FOXN3: variants seen among roughly 807,000 people sequenced by gnomAD.
The protein encoded by FOXN3 is forkhead box protein N3.
Under a neutral mutation model 38.4 loss-of-function variants are expected in FOXN3, and 7 were observed. The ratio of observed to expected loss-of-function variants is 0.18; its 90% CI spans 0.10 to 0.34. The LOEUF (loss-of-function observed/expected upper bound fraction) is 0.34, where lower values mean the gene tolerates loss of function less well. Ranked by LOEUF, FOXN3 falls within the 10% of genes least tolerant of loss-of-function variation. The probability of loss-of-function intolerance (pLI) is 1.00; values close to 1 mark genes in which losing one functional copy is unlikely to be tolerated. For missense variants in FOXN3, 456 were observed against 613.4 expected (o/e 0.74, Z 2.71); for synonymous variants, 230 against 242.2 (o/e 0.95, Z 0.47).
chr14:89,499,472 T>A (rs2139786784), intron 1 of FOXN3, among the ~76,000 whole-genome samples: 1 of 152,222 alleles, frequency 6.6e-6, no homozygotes, highest in Middle Eastern at 3.4e-3. Context: ...TTTGATTTTT[T>A]TTTTTTTTGC....
chr14:89,251,450 C>T lies in FOXN3; in HGVS notation c.745+29500G>A, dbSNP rs116789854. ...CACAAAATTCACTGGAAAAGCACCT[C>T]GCACATTTGAAATAAATGCTCAGTT... On this transcript the variant is annotated intron_variant, in intron 4 of 5. Transcript: ENST00000557258. 9.7e-4 allele frequency among the ~76,000 whole-genome samples: 148 copies of T among 152,318 alleles called. 1 individual carries two copies. Among genetic ancestry groups the T allele is most frequent in the African/African-American group, 3.3e-3 (139 of 41,562 alleles).
chr14:89,612,706 A>T (rs1237513069), intron 1 of FOXN3, among the ~76,000 whole-genome samples: 1 of 151,980 alleles, frequency 6.6e-6, no homozygotes. Context: ...AGGTGGAAAG[A>T]CTGCTTGAGC....
intron 3 of FOXN3, chr14:89,290,661 T>C: frequency 2.2e-6 from 1 of 447,930 alleles, no homozygotes; most frequent in South Asian, 1.9e-5. Context: ...TGCATGTTGC[T>C]GGGAAGGATG....
At chr14:89,582,951 T>C (rs558488732) in intron 1 of FOXN3, among the ~76,000 whole-genome samples, 2 of 152,330 alleles carry the variant, frequency 1.3e-5, no homozygotes, top group Admixed American at 6.5e-5. Context: ...TGTGTATCAA[T>C]AGTTTATTTT....
At chr14:89,472,627 A>G (rs1893125526) in intron 1 of FOXN3, among the ~76,000 whole-genome samples, 1 of 150,438 alleles carries the variant, frequency 6.6e-6, no homozygotes, top group African/African-American at 2.4e-5. Context: ...AGGCTGAGGC[A>G]GGAGAATGGT....
intron 4 of FOXN3, among the ~76,000 whole-genome samples, chr14:89,236,594 T>C (rs1884988249): frequency 6.6e-6 from 1 of 152,198 alleles, no homozygotes; most frequent in Admixed American, 6.5e-5. Context: ...AGGGCCAGCA[T>C]CTTGGCAAGG....
At chr14:89,239,928 AG>A (rs1471230243) in intron 4 of FOXN3, among the ~76,000 whole-genome samples, 1 of 152,212 alleles carries the variant, frequency 6.6e-6, no homozygotes, top group Non-Finnish European at 1.5e-5. Context: ...TCTGCACCCA[AG>A]TTTATGTCTG....
At chr14:89,509,969 A>G (rs1456080149) in intron 1 of FOXN3, among the ~76,000 whole-genome samples, 1 of 152,190 alleles carries the variant, frequency 6.6e-6, no homozygotes, top group Non-Finnish European at 1.5e-5. Flanking sequence ...CCCATGAAGA[A>G]GGGCATGTTC....
At chr14:89,552,711 T>A (rs964787586) in intron 1 of FOXN3, among the ~76,000 whole-genome samples, 1 of 152,122 alleles carries the variant, frequency 6.6e-6, no homozygotes, top group African/African-American at 2.4e-5. Context: ...ATACAAAAGT[T>A]AGCTGAGCGT....
At chr14:89,493,461 ATCATC>A (rs1445201935) in intron 1 of FOXN3, among the ~76,000 whole-genome samples, 4 of 152,200 alleles carry the variant, frequency 2.6e-5, no homozygotes, top group Non-Finnish European at 5.9e-5. Flanking sequence ...TACAAAGTCT[ATCATC>A]TTTACTTGGT....
chr14:89,176,691 T>C (rs981100475), intron 5 of FOXN3, among the ~76,000 whole-genome samples: 4 of 152,248 alleles, frequency 2.6e-5, no homozygotes, highest in African/African-American at 9.6e-5. Context: ...AAAATTATGA[T>C]GAATGTGAAA....
chr14:89,511,141 T>TTTCTTTTCTTTCTTTC lies in FOXN3; in HGVS notation c.-14-98652_-14-98651insGAAAGAAAGAAAAGAA, dbSNP rs1555358045. On this transcript the variant is annotated intron_variant, in intron 1 of 6. Coordinates refer to the FOXN3 transcript ENST00000345097. The stretch of plus-strand genomic sequence containing the variant: ...CTTGGTGTCTTTCTTTCTTTCTTTC[T>TTTCTTTTCTTTCTTTC]TTTCTTTCTTTCTTTCTTTCTTTCT... Among the ~76,000 whole-genome samples the TTTCTTTTCTTTCTTTC allele has an allele frequency of 2.4e-4, 5 of 20,996 alleles. 2 individuals are homozygous for TTTCTTTTCTTTCTTTC. Among genetic ancestry groups the TTTCTTTTCTTTCTTTC allele is most frequent in the African/African-American group, 4.7e-4 (5 of 10,706 alleles). The allele number at this position is 20,996 out of a possible 152,430, so 13.8% of individuals were successfully genotyped here.
At chr14:89,360,762 A>AGCACCACCT (rs1889491407) in intron 2 of FOXN3, among the ~76,000 whole-genome samples, 5 of 60,826 alleles carry the variant, frequency 8.2e-5, no homozygotes, top group South Asian at 6.7e-4. Flanking sequence ...CACCACCTCC[A>AGCACCACCT]CCACTACCAC....
At chr14:89,193,533 C>G (rs1380555503) in intron 4 of FOXN3, among the ~76,000 whole-genome samples, 1 of 151,644 alleles carries the variant, frequency 6.6e-6, no homozygotes. Flanking sequence ...GACCCCCCAC[C>G]CCCCCACCTT....
At chr14:89,223,749 G>T (rs544874996) in intron 4 of FOXN3, among the ~76,000 whole-genome samples, 1 of 152,180 alleles carries the variant, frequency 6.6e-6, no homozygotes, top group African/African-American at 2.4e-5. Context: ...AGGGGGAGAG[G>T]CGTCCTCATG....
intron 4 of FOXN3, among the ~76,000 whole-genome samples, chr14:89,182,424 G>A (rs962458814): frequency 2.6e-5 from 4 of 152,150 alleles, no homozygotes; most frequent in African/African-American, 9.7e-5. Context: ...GGAAACTCTC[G>A]CCTAAGTCAG....
At chr14:89,550,734 C>T (rs527620335) in intron 1 of FOXN3, among the ~76,000 whole-genome samples, 14 of 152,202 alleles carry the variant, frequency 9.2e-5, no homozygotes, top group Non-Finnish European at 1.8e-4. Context: ...AGTCCTCGGG[C>T]GACTGCTTCA....
At chr14:89,313,996 G>A (rs189610180) in intron 3 of FOXN3, among the ~76,000 whole-genome samples, 7 of 152,226 alleles carry the variant, frequency 4.6e-5, no homozygotes, top group African/African-American at 1.4e-4. Context: ...GGGGAAAGGG[G>A]GAGTTGGAGA....
chr14:89,374,263 C>CAA (rs35623770), intron 2 of FOXN3, among the ~76,000 whole-genome samples: 8,456 of 48,090 alleles, frequency 0.18, 2,207 homozygotes, highest in Non-Finnish European at 0.21. Flanking sequence ...GACCTTGTCT[C>CAA]AAAAAAAAAA....
Sources: gnomAD v4.1 joint callset for allele counts (sites outside exome capture counted in the v4.1 genomes callset) on GRCh38, gnomAD v4.1.1 for gene constraint, MANE v1.5 for transcripts, NCBI Gene and HGNC (gene_info 2026-07-23, HGNC 2026-07-21) for gene names.